Variants in GET4 observed in about 807,000 individuals in gnomAD.
GET4 encodes the protein guided entry of tail-anchored proteins factor 4.
GET4 carries 20 observed loss-of-function variants against 40.0 expected under a neutral mutation model. The ratio of observed to expected loss-of-function variants is 0.50; its 90% CI spans 0.35 to 0.73. GET4 has a LOEUF of 0.73. GET4 is among the 30% of genes least tolerant of loss of function. The pLI, the probability that GET4 is intolerant of heterozygous loss-of-function variation, is 0.01. For missense variants in GET4, 557 were observed against 454.0 expected, an observed-to-expected ratio of 1.23 and a Z score of -2.06; for synonymous variants, 280 against 194.6, an observed-to-expected ratio of 1.44 and a Z score of -3.65.
intron 1 of GET4, 136 bp downstream of exon 1, chr7:876,936 G>T: frequency 6.6e-6 from 2 of 300,960 alleles, no homozygotes; most frequent in South Asian, 2.4e-4. Context: ...GGGGCCGCGG[G>T]TCGCCCGGCG....
In GET4 at chr7:890,890, G is replaced by C. The variant is rs766136653; in HGVS notation, c.467-38G>C. The C allele has an allele frequency of 7.3e-6, 11 of 1,505,710 alleles. No homozygotes were observed. The East Asian group carries it at 1.6e-4, about 22-fold the overall frequency. The allele number at this position is 1,505,710 out of a possible 1,614,324, so 93.3% of individuals were successfully genotyped here. ...CCCTTTCCTTTTCTGTGTTATATTCGTGAAATGTATTTACATTTTTCTGTC... is the reference window on the plus strand; with the variant it reads ...CCCTTTCCTTTTCTGTGTTATATTCCTGAAATGTATTTACATTTTTCTGTC... On this transcript the variant is annotated intron_variant, in intron 4 of 8. Coordinates refer to ENST00000265857, the MANE Select transcript of GET4 (RefSeq NM_015949.3).
chr7:895,299 C>T (rs776966660), intron 8 of GET4, 35 bp from the exon 9 acceptor site: 1 of 1,103,366 alleles, frequency 9.1e-7, no homozygotes, highest in Non-Finnish European at 1.4e-6. Context: ...TGGGAGGCTG[C>T]CCAGGCGTGA....
chr7:884,214 G>A, intron 1 of GET4: 1 of 1,303,870 alleles, frequency 7.7e-7, no homozygotes, highest in Non-Finnish European at 1.0e-6. Context: ...ATGCGGTTCT[G>A]CCCGTGGCCC....
intron 6 of GET4, among the ~76,000 whole-genome samples, chr7:892,995 C>A (rs999012362): frequency 1.3e-4 from 19 of 146,478 alleles, no homozygotes; most frequent in African/African-American, 4.6e-4. Flanking sequence ...GTGTTGGGGG[C>A]GGGCGTGGTG....
chr7:895,051 T>TGG (rs779779859), intron 8 of GET4, among the ~76,000 whole-genome samples: 5 of 151,616 alleles, frequency 3.3e-5, no homozygotes, highest in Admixed American at 6.5e-5. Flanking sequence ...GGTGGTTCTG[T>TGG]AGGCCCCCGT....
At chr7:886,243 T>C in intron 2 of GET4, 109 bp downstream of exon 2, 1 of 739,968 alleles carries the variant, frequency 1.4e-6, no homozygotes, top group South Asian at 1.5e-5. Flanking sequence ...GCCCTGGGCC[T>C]CGGCCACTGG....
chr7:885,152 T>C (rs1181444758), intron 1 of GET4: 1 of 152,258 alleles, frequency 6.6e-6, no homozygotes, highest in Non-Finnish European at 1.5e-5. Flanking sequence ...CCAAGGACAT[T>C]TGGCTCGCAG....
At chr7:881,287 G>C (rs565187068) in intron 1 of GET4, 1 of 152,338 alleles carries the variant, frequency 6.6e-6, no homozygotes, top group South Asian at 2.1e-4. Context: ...TCAAGACACA[G>C]AAGATACCAC....
rs1011779192 is a variant in GET4 at position 895,544 on chromosome 7, C to A, written c.*122C>A. The A allele has an allele frequency of 1.1e-5, 6 of 545,392 alleles. No homozygotes were observed. Among genetic ancestry groups the A allele is most frequent in the African/African-American group, 9.7e-5 (5 of 51,394 alleles). 33.8% of individuals were successfully genotyped at this position (545,392 alleles called of 1,614,324 possible). A position where few individuals can be genotyped will look rare whatever the true frequency, so the allele number is the denominator to read the frequency against. On this transcript the variant is annotated 3_prime_UTR_variant, in exon 9 of 9. Coordinates refer to ENST00000265857, the MANE Select transcript of GET4 (RefSeq NM_015949.3). The stretch of plus-strand genomic sequence containing the variant: ...CCCTGAGGCTGGCGGTGGCCGCATG[C>A]CGGCGCGTGTCTGTTTCTGTGCGGC...
intron 3 of GET4, chr7:887,063 C>T (rs754179013): frequency 1.2e-5 from 7 of 599,022 alleles, no homozygotes; most frequent in Admixed American, 8.8e-5. Context: ...TGGGAGATGC[C>T]CCGGGCCAGA....
chr7:885,631 TGTCCCCC>T (rs1183477050), intron 1 of GET4: 1 of 171,280 alleles, frequency 5.8e-6, no homozygotes, highest in Non-Finnish European at 1.3e-5. Context: ...CAGCCGTTAC[TGTCCCCC>T]GTGGGACCCC....
At position 887,526 on chromosome 7, in the gene GET4, C is replaced by T. The variant is rs767261050; in HGVS notation, c.466+7C>T. The T allele has an allele frequency of 5.9e-6, 9 of 1,526,144 alleles. No homozygotes were observed. The highest frequency in any genetic ancestry group is 1.3e-5 in the South Asian group (1 of 78,204). The allele number at this position is 1,526,144 out of a possible 1,614,324, so 94.5% of individuals were successfully genotyped here. ...GCCCTCACCCTGTGGAAAGGTAGGC[C>T]TGGGGCCAGGGCAGGCGTGGGCACC... On this transcript the variant is annotated splice_region_variant and intron_variant, in intron 4 of 8. Coordinates refer to ENST00000265857, the MANE Select transcript of GET4 (RefSeq NM_015949.3).
In GET4 at chr7:886,114, C is replaced by G. The variant is rs1473256122; in HGVS notation, c.214C>G (p.Leu72Val). Residue 72 changes from leucine to valine, a missense_variant, in exon 2 of 9, where the codon CTC becomes GTC. Coordinates refer to ENST00000265857, the MANE Select transcript of GET4 (RefSeq NM_015949.3). ...GGAGCTCATGTACTCGGGAGCCCTG[C>G]TCTTCTTCAGCCATGGCCAGGTAAG... ...ARELMYSGAL[L>V]FFSHGQQNSA... 2.5e-6 allele frequency: 4 copies of G among 1,607,942 alleles called. No individual in the cohort carries two copies. The African/African-American group carries it at 5.3e-5, about 21-fold the overall frequency.
At chr7:883,498 A>AT in intron 1 of GET4, 3 of 985,224 alleles carry the variant, frequency 3.0e-6, no homozygotes, top group Non-Finnish European at 3.6e-6. Context: ...GAAGAGCAAA[A>AT]TCAGCTAGAT....
At chr7:879,405 A>G (rs1039030922) in intron 1 of GET4, among the ~76,000 whole-genome samples, 2 of 152,084 alleles carry the variant, frequency 1.3e-5, no homozygotes, top group African/African-American at 4.8e-5. Flanking sequence ...AGAAAAGAGG[A>G]GTGTTTGTGT....
chr7:885,415 C>G (rs1194173356), intron 1 of GET4: 1 of 152,820 alleles, frequency 6.5e-6, no homozygotes, highest in Non-Finnish European at 1.5e-5. Flanking sequence ...CACCATACCT[C>G]TCGCCACCCC....
Position 885,995 on chromosome 7 carries a change from A to T in GET4, c.156-61A>T, listed in dbSNP as rs916165989. On this transcript the variant is annotated intron_variant, in intron 1 of 8. Transcript: ENST00000265857. ...GTTTTTAGCTTCTGACCTGAAGATG[A>T]GCGGGGGAGCGCGGTGGCGAGGGCA... is the stretch of plus-strand genomic sequence containing the variant. 6.3e-5 allele frequency: 62 copies of T among 988,460 alleles called. No homozygotes were observed. The African/African-American group carries it at 9.5e-4, about 15-fold the overall frequency. 61.2% of individuals were successfully genotyped at this position (988,460 alleles called of 1,614,324 possible).
In GET4 at chr7:896,088, T is replaced by C. The variant is rs1038637328; in HGVS notation, c.*666T>C. 4.6e-5 allele frequency: 7 copies of C among 152,252 alleles called. No individual in the cohort carries two copies. Among genetic ancestry groups the C allele is most frequent in the African/African-American group, 1.7e-4 (7 of 41,470 alleles). The allele number at this position is 152,252 out of a possible 1,614,324, so 9.4% of individuals were successfully genotyped here. A position where few individuals can be genotyped will look rare whatever the true frequency, so the allele number is the denominator to read the frequency against. The stretch of plus-strand genomic sequence containing the variant: ...CTCTGTGAGCGCCACGCTGCTGTGC[T>C]GGAAATGCCGCTTTAAAAAGGGATA... On this transcript the variant is annotated 3_prime_UTR_variant, in exon 9 of 9. Transcript: ENST00000265857.
chr7:894,398 C>T (rs934887607), intron 8 of GET4, among the ~76,000 whole-genome samples: 1 of 152,158 alleles, frequency 6.6e-6, no homozygotes, highest in African/African-American at 2.4e-5. Flanking sequence ...TGGTTCGTGG[C>T]ACCGCGGGAG....
Sources: gnomAD v4.1 joint callset for allele counts (sites outside exome capture counted in the v4.1 genomes callset) on GRCh38, gnomAD v4.1.1 for gene constraint, MANE v1.5 for transcripts, NCBI Gene and HGNC (gene_info 2026-07-23, HGNC 2026-07-21) for gene names.